Variants in GRID2 observed in about 807,000 individuals in gnomAD.
The protein encoded by GRID2 is glutamate receptor ionotropic, delta-2.
Under a neutral mutation model 114.8 loss-of-function variants are expected in GRID2, and 33 were observed. The observed-to-expected ratio is 0.29, with a 90% CI of 0.22 to 0.38. The LOEUF (loss-of-function observed/expected upper bound fraction) is 0.38, where lower values mean the gene tolerates loss of function less well. Ranked by LOEUF, GRID2 falls within the 10% of genes least tolerant of loss-of-function variation. GRID2 has a pLI of 1.00. For missense variants in GRID2, 1,184 were observed against 1,257.7 expected (o/e 0.94, Z 0.89); for synonymous variants, 505 against 449.9 (o/e 1.12, Z -1.55).
At chr4:93,061,456 A>G (rs1727801927) in intron 2 of GRID2, among the ~76,000 whole-genome samples, 1 of 152,022 alleles carries the variant, frequency 6.6e-6, no homozygotes, top group Non-Finnish European at 1.5e-5. Flanking sequence ...TCATATGGCC[A>G]AGCTTAAAAT....
At chr4:93,012,095 A>C (rs1034109226) in intron 2 of GRID2, among the ~76,000 whole-genome samples, 3 of 151,696 alleles carry the variant, frequency 2.0e-5, no homozygotes, top group Admixed American at 1.3e-4. Context: ...AAAAAAAAAA[A>C]AAACATGTAT....
At chr4:93,670,184 T>C (rs1210188967) in intron 14 of GRID2, among the ~76,000 whole-genome samples, 2 of 152,304 alleles carry the variant, frequency 1.3e-5, no homozygotes, top group African/African-American at 2.4e-5. Context: ...AATTGTTTAT[T>C]GGAACGAATG....
chr4:93,704,398 C>T (rs906000271), intron 14 of GRID2, among the ~76,000 whole-genome samples: 5 of 152,050 alleles, frequency 3.3e-5, no homozygotes, highest in African/African-American at 9.6e-5. Context: ...TGATATTAGC[C>T]GTTTGTCAGA....
intron 1 of GRID2, among the ~76,000 whole-genome samples, chr4:93,789,482 T>G (rs1395998430): frequency 6.6e-6 from 1 of 152,202 alleles, no homozygotes; most frequent in Non-Finnish European, 1.5e-5. Context: ...ACTTAGCCAG[T>G]GACTCCAGCA....
intron 10 of GRID2, among the ~76,000 whole-genome samples, chr4:93,435,970 T>G (rs1721043210): frequency 6.7e-6 from 1 of 148,426 alleles, no homozygotes; most frequent in African/African-American, 2.5e-5. Flanking sequence ...TTATTTTCAG[T>G]CTCTTTCAAA....
At chr4:93,461,033 A>G (rs1418469122) in intron 11 of GRID2, among the ~76,000 whole-genome samples, 2 of 152,230 alleles carry the variant, frequency 1.3e-5, no homozygotes, top group Non-Finnish European at 2.9e-5. Flanking sequence ...AAAGATAAAT[A>G]GAATTACCCA....
At chr4:92,554,629 T>A (rs1188688845) in intron 1 of GRID2, among the ~76,000 whole-genome samples, 3 of 152,166 alleles carry the variant, frequency 2.0e-5, no homozygotes, top group Non-Finnish European at 2.9e-5. Flanking sequence ...AAAAAATCTA[T>A]CCATTGGACA....
At chr4:92,423,726 T>A (rs927662119) in intron 1 of GRID2, among the ~76,000 whole-genome samples, 3 of 152,070 alleles carry the variant, frequency 2.0e-5, no homozygotes, top group Non-Finnish European at 4.4e-5. Flanking sequence ...CAGAATAAAA[T>A]GCAAACAGAG....
In GRID2 at chr4:93,238,428, A is replaced by C. The variant is rs1355849321; in HGVS notation, c.1183A>C (p.Asn395His). ...ATTTGGAGAAAATGGAGGCAATCCC[A>C]ATGTCCACTTTGAAATCCTTGGAAC... ...LEFGENGGNP[N>H]VHFEILGTNY... Residue 395 changes from asparagine to histidine, a missense_variant, in exon 8 of 16, where the codon AAT (asparagine) becomes CAT (histidine). Transcript: ENST00000282020. The C allele has an allele frequency of 6.2e-7, 1 of 1,608,386 alleles. No individual in the cohort carries two copies. Among genetic ancestry groups the C allele is most frequent in the East Asian group, 2.2e-5 (1 of 44,726 alleles).
intron 1 of GRID2, among the ~76,000 whole-genome samples, chr4:92,574,959 A>G (rs1253380141): frequency 6.6e-6 from 1 of 152,142 alleles, no homozygotes; most frequent in Non-Finnish European, 1.5e-5. Flanking sequence ...AGGTACCCCA[A>G]TCAGTTATAG....
In GRID2 at chr4:92,871,176, A is replaced by G. The variant is rs541408299; in HGVS notation, c.245-213819A>G. Among the ~76,000 whole-genome samples, 18 of 152,192 alleles carry G rather than the reference A, an allele frequency of 1.2e-4. 2 individuals are homozygous for G. The South Asian group carries it at 3.3e-3, about 28-fold the overall frequency. On this transcript the variant is annotated intron_variant, in intron 2 of 15. Transcript: ENST00000282020. Reference sequence around the variant, plus strand: ...CTGGAGTTGCGATGCCTGGTTTAACATTCTGACTTGGTCACTAACTTGTTT... The same window carrying G: ...CTGGAGTTGCGATGCCTGGTTTAACGTTCTGACTTGGTCACTAACTTGTTT...
chr4:92,329,045 C>T (rs1579188018), intron 1 of GRID2, among the ~76,000 whole-genome samples: 1 of 151,898 alleles, frequency 6.6e-6, no homozygotes, highest in Non-Finnish European at 1.5e-5. Context: ...TCTGTGTGCA[C>T]GTGTATATAT....
chr4:93,686,507 C>T (rs1000256997), intron 14 of GRID2, among the ~76,000 whole-genome samples: 2 of 151,752 alleles, frequency 1.3e-5, no homozygotes, highest in African/African-American at 2.4e-5. Flanking sequence ...AAAAAAAAAT[C>T]CCCACCTTCA....
intron 2 of GRID2, among the ~76,000 whole-genome samples, chr4:92,715,377 C>T (rs1735488157): frequency 1.3e-5 from 2 of 152,180 alleles, no homozygotes; most frequent in East Asian, 1.9e-4. Flanking sequence ...TTCCTGCCTT[C>T]TTCTGAGCCC....
intron 1 of GRID2, among the ~76,000 whole-genome samples, chr4:92,525,269 G>A (rs1439162265): frequency 1.3e-5 from 2 of 150,414 alleles, no homozygotes; most frequent in African/African-American, 2.5e-5. Flanking sequence ...ATTGGTACTC[G>A]GTGAAAAAAA....
chr4:92,938,775 TC>T (rs979091201), intron 2 of GRID2, among the ~76,000 whole-genome samples: 1 of 142,308 alleles, frequency 7.0e-6, no homozygotes, highest in African/African-American at 2.5e-5. Flanking sequence ...CCATGTGTTC[TC>T]ATTATTCAAT....
intron 14 of GRID2, among the ~76,000 whole-genome samples, chr4:93,684,956 A>G (rs1725943310): frequency 6.6e-6 from 1 of 152,078 alleles, no homozygotes; most frequent in South Asian, 2.1e-4. Flanking sequence ...TGGGGGTGGT[A>G]AAAGGCTCTC....
chr4:93,214,511 C>T (rs528094075), intron 5 of GRID2, among the ~76,000 whole-genome samples: 32 of 152,116 alleles, frequency 2.1e-4, no homozygotes, highest in African/African-American at 7.7e-4. Context: ...GATCACATGT[C>T]AAGACTAAAA....
intron 14 of GRID2, among the ~76,000 whole-genome samples, chr4:93,721,601 GGTATCTACTCTC>G (rs1729378574): frequency 6.6e-6 from 1 of 152,046 alleles, no homozygotes; most frequent in Non-Finnish European, 1.5e-5. Flanking sequence ...TTATAATAAT[GGTATCTACTCTC>G]TGTGATTGGT....
Sources: gnomAD v4.1 joint callset for allele counts (sites outside exome capture counted in the v4.1 genomes callset) on GRCh38, gnomAD v4.1.1 for gene constraint, MANE v1.5 for transcripts, NCBI Gene and HGNC (gene_info 2026-07-23, HGNC 2026-07-21) for gene names.